CSMD1: variants seen among roughly 807,000 people sequenced by gnomAD.
CSMD1 encodes the protein CUB and Sushi multiple domains 1.
Under a neutral mutation model 417.5 loss-of-function variants are expected in CSMD1, and 213 were observed. That is an observed-to-expected ratio of 0.51 (90% CI 0.46 to 0.57). The LOEUF is 0.57. Among genes scored for constraint, CSMD1 ranks in the 20% least tolerant of loss-of-function variants. The pLI is 0.00. For synonymous variants in CSMD1, 2,862 were observed against 1,736.8 expected, an observed-to-expected ratio of 1.65 and a Z score of -16.11; for missense variants, 6,923 against 4,529.7, an observed-to-expected ratio of 1.53 and a Z score of -15.17.
At chr8:4,652,829 C>G (rs139329013) in intron 1 of CSMD1, among the ~76,000 whole-genome samples, 1 of 152,174 alleles carries the variant, frequency 6.6e-6, no homozygotes, top group East Asian at 1.9e-4. Context: ...CTCATAAAGA[C>G]TGCACAAACT....
At chr8:2,966,128 G>T (rs1424957641) in intron 58 of CSMD1, among the ~76,000 whole-genome samples, 174 bp from the exon 59 acceptor site, 1 of 152,186 alleles carries the variant, frequency 6.6e-6, no homozygotes, top group Admixed American at 6.5e-5. Context: ...CTGTCAGAAG[G>T]AACACTTGTA....
intron 10 of CSMD1, among the ~76,000 whole-genome samples, chr8:3,543,995 C>T (rs1447657071): frequency 6.6e-6 from 1 of 152,066 alleles, no homozygotes; most frequent in Admixed American, 6.5e-5. Context: ...GGAAGGGGAT[C>T]AAGAAGCAGA....
At chr8:3,335,022 T>C (rs1242007131) in intron 23 of CSMD1, among the ~76,000 whole-genome samples, 1 of 152,228 alleles carries the variant, frequency 6.6e-6, no homozygotes, top group Non-Finnish European at 1.5e-5. Context: ...GAGATGATAC[T>C]GTCTCTTAAA....
chr8:3,527,777 G>T (rs1378198151), intron 10 of CSMD1, among the ~76,000 whole-genome samples: 2 of 152,144 alleles, frequency 1.3e-5, no homozygotes, highest in East Asian at 3.9e-4. Context: ...CAACCCTTTG[G>T]ATCTGTAAGT....
intron 3 of CSMD1, among the ~76,000 whole-genome samples, chr8:4,369,869 G>C (rs1292666597): frequency 1.3e-5 from 2 of 152,102 alleles, no homozygotes; most frequent in Admixed American, 1.3e-4. Context: ...AGAGAGTTGG[G>C]TCTTGCTTCT....
At chr8:3,514,569 T>C (rs1218819976) in intron 10 of CSMD1, among the ~76,000 whole-genome samples, 2 of 152,236 alleles carry the variant, frequency 1.3e-5, no homozygotes, top group East Asian at 3.8e-4. Flanking sequence ...GTTGGGGGAA[T>C]ATTCCTAAAT....
intron 38 of CSMD1, among the ~76,000 whole-genome samples, chr8:3,160,720 T>C (rs1223555485): frequency 1.3e-5 from 2 of 152,252 alleles, no homozygotes; most frequent in African/African-American, 4.8e-5. Flanking sequence ...AGTTTTCCTA[T>C]ACTAAAGTGT....
At chr8:3,617,068 G>C (rs7840019) in intron 7 of CSMD1, among the ~76,000 whole-genome samples, 4 of 151,814 alleles carry the variant, frequency 2.6e-5, no homozygotes, top group African/African-American at 9.7e-5. Flanking sequence ...ATCTCATTTG[G>C]TCCTTATGAT....
intron 3 of CSMD1, among the ~76,000 whole-genome samples, chr8:4,161,781 G>C (rs897006350): frequency 1.3e-5 from 2 of 152,004 alleles, no homozygotes; most frequent in Non-Finnish European, 2.9e-5. Context: ...ATTTTGAATT[G>C]TGCAAAAGAA....
chr8:2,974,708 A>G, intron 55 of CSMD1, 84 bp from the exon 56 acceptor site: 2 of 948,486 alleles, frequency 2.1e-6, no homozygotes, highest in African/African-American at 1.7e-5. Context: ...AGACACCCAT[A>G]CTGACATCAT....
At chr8:4,152,724 C>G (rs1251618962) in intron 3 of CSMD1, among the ~76,000 whole-genome samples, 2 of 151,894 alleles carry the variant, frequency 1.3e-5, no homozygotes, top group African/African-American at 4.8e-5. Flanking sequence ...CATATACACA[C>G]ACACAATAGA....
At chr8:4,761,184 C>A (rs1199970759) in intron 1 of CSMD1, among the ~76,000 whole-genome samples, 3 of 152,062 alleles carry the variant, frequency 2.0e-5, no homozygotes, top group Non-Finnish European at 4.4e-5. Context: ...ATCTAAGGGA[C>A]TAGCTGAAGG....
chr8:4,650,206 G>A (rs1444046297), intron 1 of CSMD1, among the ~76,000 whole-genome samples: 3 of 151,824 alleles, frequency 2.0e-5, no homozygotes, highest in Non-Finnish European at 2.9e-5. Flanking sequence ...TTAGCCGGGT[G>A]TGGTGGCGGG....
intron 3 of CSMD1, among the ~76,000 whole-genome samples, chr8:4,235,513 G>C (rs1160552636): frequency 1.3e-5 from 2 of 152,068 alleles, no homozygotes; most frequent in South Asian, 2.1e-4. Flanking sequence ...AATCTTCTAA[G>C]TAATGGTACA....
chr8:4,013,673 G>C (rs1176747087), intron 4 of CSMD1, among the ~76,000 whole-genome samples: 1 of 152,188 alleles, frequency 6.6e-6, no homozygotes, highest in Non-Finnish European at 1.5e-5. Flanking sequence ...TGCAAAGATT[G>C]GAATTCTTTC....
intron 18 of CSMD1, among the ~76,000 whole-genome samples, chr8:3,382,919 A>G (rs960613277): frequency 4.6e-5 from 7 of 152,156 alleles, no homozygotes; most frequent in African/African-American, 1.7e-4. Context: ...AGATTTCTCA[A>G]AAAAACCCAA....
intron 3 of CSMD1, among the ~76,000 whole-genome samples, chr8:4,087,990 A>G (rs191058852): frequency 4.6e-5 from 7 of 152,238 alleles, no homozygotes; most frequent in Admixed American, 6.5e-5. Flanking sequence ...TGACCTCTGA[A>G]GAACGTCTAA....
At chr8:3,355,026 T>C (rs1808688892) in intron 21 of CSMD1, among the ~76,000 whole-genome samples, 3 of 151,908 alleles carry the variant, frequency 2.0e-5, no homozygotes, top group Admixed American at 6.6e-5. Context: ...AGGCAAGATA[T>C]TTTGTTTCAC....
In CSMD1 at chr8:3,662,074, A is replaced by G. The variant is rs113061651; in HGVS notation, c.1010-45277T>C. ...AAAGGCAACTGCTCAGTAGTTGTGT[A>G]GAAACAGAGAAGGAGCATGCTTAAA... On this transcript the variant is annotated intron_variant, in intron 7 of 69. Coordinates refer to ENST00000635120, the MANE Select transcript of CSMD1 (RefSeq NM_033225.6). Among the ~76,000 whole-genome samples the G allele has an allele frequency of 4.0e-3, 609 of 152,322 alleles. 4 individuals carry two copies. Among genetic ancestry groups the G allele is most frequent in the African/African-American group, 0.014 (581 of 41,566 alleles).
Sources: allele counts gnomAD v4.1 joint callset (sites outside exome capture counted in the v4.1 genomes callset), GRCh38; gene constraint gnomAD v4.1.1; transcripts MANE v1.5; gene names NCBI Gene and HGNC (gene_info 2026-07-23, HGNC 2026-07-21).